The following POLI variants were observed in gnomAD, a reference collection of about 807,000 sequenced individuals.
The protein encoded by POLI is RAD30 homolog B.
POLI carries 58 observed loss-of-function variants against 51.6 expected under a neutral mutation model. That is an observed-to-expected ratio of 1.12 (90% CI 0.91 to 1.40). The LOEUF is 1.40. Among genes scored for constraint, POLI ranks in the 40% most tolerant of loss-of-function variants. The probability of loss-of-function intolerance (pLI) is 0.00; values close to 1 mark genes in which losing one functional copy is unlikely to be tolerated. For synonymous variants in POLI, 322 were observed against 299.7 expected (o/e 1.07, Z -0.77); for missense variants, 921 against 871.3 (o/e 1.06, Z -0.72).
intron 3 of POLI, among the ~76,000 whole-genome samples, chr18:54,275,374 A>G (rs994185554): frequency 5.3e-5 from 8 of 152,228 alleles, no homozygotes; most frequent in African/African-American, 1.7e-4. Context: ...ATGTACAACA[A>G]TGTTTATCAT....
chr18:54,281,137 T>C (rs1239312307), intron 5 of POLI, among the ~76,000 whole-genome samples: 1 of 152,168 alleles, frequency 6.6e-6, no homozygotes, highest in East Asian at 1.9e-4. Flanking sequence ...TATCTACTTT[T>C]GTATGGTTAG....
At position 54,294,562 on chromosome 18, in the gene POLI, T is replaced by G. The variant is rs751796176; in HGVS notation, c.*95T>G. The G allele has an allele frequency of 6.4e-6, 9 of 1,410,412 alleles. No homozygotes were observed. The highest frequency in any genetic ancestry group is 8.3e-6 in the Non-Finnish European group (9 of 1,086,632). 87.4% of individuals were successfully genotyped at this position (1,410,412 alleles called of 1,614,324 possible). On this transcript the variant is annotated 3_prime_UTR_variant, in exon 10 of 10. Coordinates refer to ENST00000579534, the MANE Select transcript of POLI (RefSeq NM_007195.3). ...CTTCTATATTAAACACTAATAGATA[T>G]TCAATAACGGAGTAAACTGTTCCAG...
intron 3 of POLI, among the ~76,000 whole-genome samples, chr18:54,317,209 G>C (rs1057389636): frequency 2.0e-5 from 3 of 152,174 alleles, no homozygotes; most frequent in Non-Finnish European, 2.9e-5. Context: ...GCTAGTGGAT[G>C]AAATTCATGA....
chr18:54,277,459 T>C (rs533874592), intron 3 of POLI, among the ~76,000 whole-genome samples: 1 of 152,322 alleles, frequency 6.6e-6, no homozygotes, highest in African/African-American at 2.4e-5. Context: ...GAGCTAGATA[T>C]ATTGCCATGA....
intron 4 of POLI, among the ~76,000 whole-genome samples, chr18:54,278,059 A>G (rs1412651094): frequency 2.0e-5 from 3 of 152,292 alleles, no homozygotes; most frequent in South Asian, 2.1e-4. Context: ...ATGTAGCTCA[A>G]TGCTCTGTGC....
intron 2 of POLI, among the ~76,000 whole-genome samples, chr18:54,273,142 T>A (rs1283646381): frequency 6.6e-6 from 1 of 152,054 alleles, no homozygotes; most frequent in East Asian, 1.9e-4. Context: ...GAGTCACCAA[T>A]AAACTAGAAT....
chr18:54,279,851 C>T (rs567655390), intron 4 of POLI, among the ~76,000 whole-genome samples: 5 of 152,230 alleles, frequency 3.3e-5, no homozygotes, highest in East Asian at 3.9e-4. Context: ...ACTGCTAGTG[C>T]GTGGTTAAGA....
Position 54,273,909 on chromosome 18 carries a change from T to C in POLI, c.242-17T>C. 1.4e-6 allele frequency: 2 copies of C among 1,451,502 alleles called. No homozygotes were observed. The highest frequency in any genetic ancestry group is 2.5e-5 in the Admixed American group (1 of 40,286). 89.9% of individuals were successfully genotyped at this position (1,451,502 alleles called of 1,614,324 possible). ...TCTTCAATTGTGCTTGGGTTTCTCA[T>C]AAAATATTTTTTACAGGGGTTCAAC... On this transcript the variant is annotated splice_polypyrimidine_tract_variant and intron_variant, in intron 2 of 9. Coordinates refer to ENST00000579534, the MANE Select transcript of POLI (RefSeq NM_007195.3).
At chr18:54,277,561 G>A in intron 3 of POLI, 142 bp from the exon 4 acceptor site, 1 of 537,868 alleles carries the variant, frequency 1.9e-6, no homozygotes, top group South Asian at 3.2e-5. Flanking sequence ...TTAACTGAGG[G>A]CTTTATTAAA....
At chr18:54,284,425 A>G (rs1022090835) in intron 7 of POLI, among the ~76,000 whole-genome samples, 4 of 152,242 alleles carry the variant, frequency 2.6e-5, no homozygotes, top group African/African-American at 9.6e-5. Flanking sequence ...GTACCATGCT[A>G]AATACAAATA....
rs181663903 is a variant in POLI at position 54,314,850 on chromosome 18, C to A, written c.334-5423C>A. ...TTCTGATTGTGTTTATTTGGATCTT[C>A]TTTTTTTCTTTGTTAATCTGATTAG... On this transcript the variant is annotated intron_variant, in intron 3 of 4. Transcript: ENST00000579823. 2.0e-3 allele frequency among the ~76,000 whole-genome samples: 305 copies of A among 152,128 alleles called. 1 individual carries two copies. The highest frequency in any genetic ancestry group is 5.6e-3 in the Admixed American group (86 of 15,278).
In POLI at chr18:54,280,797, G is replaced by A; in HGVS notation, c.690G>A (p.Leu230=). 2 of 1,613,540 alleles carry A rather than the reference G, an allele frequency of 1.2e-6. No homozygotes were observed. Reference sequence around the variant, plus strand: ...CTGGAGTGGCTTCTAATAAACTGTTGGCAAAATTAGTTTCTGGTGTCTTTA... The same window carrying A: ...CTGGAGTGGCTTCTAATAAACTGTTAGCAAAATTAGTTTCTGGTGTCTTTA... ...GCAGVASNKL[L]AKLVSGVFKP... The change falls in exon 5 of 10, where the codon TTG becomes TTA. Residue 230 remains leucine (L), a synonymous_variant. Transcript: ENST00000579534.
rs948772674 is a variant in POLI at position 54,297,820 on chromosome 18, T to C, written c.*3353T>C. The C allele has an allele frequency of 1.0e-6, 1 of 962,248 alleles. No homozygotes were observed. The highest frequency in any genetic ancestry group is 1.2e-6 in the Non-Finnish European group (1 of 808,732). 59.6% of individuals were successfully genotyped at this position (962,248 alleles called of 1,614,324 possible). On this transcript the variant is annotated 3_prime_UTR_variant, in exon 10 of 10. Coordinates refer to ENST00000579534, the MANE Select transcript of POLI (RefSeq NM_007195.3). Reference sequence around the variant, plus strand: ...TATTAAATCTCCAAATTGGATATTATTAGTATTTTATATAGTCAATGTTTA... The same window carrying C: ...TATTAAATCTCCAAATTGGATATTACTAGTATTTTATATAGTCAATGTTTA...
At chr18:54,274,171 T>TA in intron 3 of POLI, 81 bp downstream of exon 3, 1 of 641,136 alleles carries the variant, frequency 1.6e-6, no homozygotes, top group Non-Finnish European at 2.3e-6. Flanking sequence ...TTAATAAATG[T>TA]AAAATAACAT....
At chr18:54,283,699 T>A (rs1162978659) in intron 6 of POLI, 1 of 269,974 alleles carries the variant, frequency 3.7e-6, no homozygotes, top group East Asian at 6.5e-5. Context: ...TTAACTGTTT[T>A]ATATTAACTG....
At position 54,298,052 on chromosome 18, in the gene POLI, T is replaced by A; in HGVS notation, c.*3585T>A. On this transcript the variant is annotated 3_prime_UTR_variant, in exon 10 of 10. Transcript: ENST00000579534. ...GTCTAGCTATAGATTTATCATGGATTTAGGTTCATTATGAATCTGCAGATT... is the reference window on the plus strand; with the variant it reads ...GTCTAGCTATAGATTTATCATGGATATAGGTTCATTATGAATCTGCAGATT... 1.0e-6 allele frequency: 1 copy of A among 969,744 alleles called. No individual in the cohort carries two copies. Among genetic ancestry groups the A allele is most frequent in the Non-Finnish European group, 1.2e-6 (1 of 815,598 alleles). 60.1% of individuals were successfully genotyped at this position (969,744 alleles called of 1,614,324 possible). A position where few individuals can be genotyped will look rare whatever the true frequency, so the allele number is the denominator to read the frequency against.
At position 54,298,102 on chromosome 18, in the gene POLI, G is replaced by T. The variant is rs548452877; in HGVS notation, c.*3635G>T. The T allele has an allele frequency of 2.1e-6, 2 of 952,652 alleles. No individual in the cohort carries two copies. Among genetic ancestry groups the T allele is most frequent in the African/African-American group, 3.5e-5 (2 of 56,620 alleles). 59.0% of individuals were successfully genotyped at this position (952,652 alleles called of 1,614,324 possible). On this transcript the variant is annotated 3_prime_UTR_variant, in exon 10 of 10. Transcript: ENST00000579534. ...TTGTGTCTTCCATCAAATCTGGATT[G>T]TTTTCAATATTAAAAAAACTTCTAT...
At chr18:54,291,452 G>A (rs2088008216) in intron 8 of POLI, 1 of 169,910 alleles carries the variant, frequency 5.9e-6, no homozygotes, top group Non-Finnish European at 1.2e-5. Flanking sequence ...AACAGTCCCA[G>A]ACAGTGAAGC....
rs769828054 is a variant in POLI at position 54,279,241 on chromosome 18, CTTTTTTTTTTT to C, written c.559+1395_559+1405del. Among the ~76,000 whole-genome samples, 643 of 119,138 alleles carry C rather than the reference CTTTTTTTTTTT, an allele frequency of 5.4e-3. 11 individuals carry two copies. Among genetic ancestry groups the C allele is most frequent in the African/African-American group, 0.021 (626 of 30,002 alleles). 78.2% of individuals were successfully genotyped at this position (119,138 alleles called of 152,430 possible). A position where few individuals can be genotyped will look rare whatever the true frequency, so the allele number is the denominator to read the frequency against. On this transcript the variant is annotated intron_variant, in intron 4 of 9. Coordinates refer to ENST00000579534, the MANE Select transcript of POLI (RefSeq NM_007195.3). ...ACAAAAAATACCCATTATGTCTTTT[CTTTTTTTTTTT>C]TTTTTTTTGAGACAGAGTCTCACTC...
Sources: allele counts gnomAD v4.1 joint callset (sites outside exome capture counted in the v4.1 genomes callset), GRCh38; gene constraint gnomAD v4.1.1; transcripts MANE v1.5; gene names NCBI Gene and HGNC (gene_info 2026-07-23, HGNC 2026-07-21).